The following LRP1B variants were observed in gnomAD, a reference collection of about 807,000 sequenced individuals.
LRP1B encodes the protein low-density lipoprotein receptor-related protein 1B.
LRP1B carries 217 observed loss-of-function variants against 556.6 expected under a neutral mutation model. The ratio of observed to expected loss-of-function variants is 0.39; its 90% CI spans 0.35 to 0.44. LRP1B has a LOEUF of 0.44. Ranked by LOEUF, LRP1B falls within the 20% of genes least tolerant of loss-of-function variation. LRP1B has a pLI of 1.00. For missense variants in LRP1B, 5,053 were observed against 5,620.8 expected (o/e 0.90, Z 3.23); for synonymous variants, 2,047 against 1,865.8 (o/e 1.10, Z -2.50).
At chr2:140,315,155 A>T in intron 82 of LRP1B, 56 bp from the exon 83 acceptor site, 4 of 1,162,454 alleles carry the variant, frequency 3.4e-6, no homozygotes, top group Non-Finnish European at 4.9e-6. Flanking sequence ...AATTTAATAA[A>T]ATAATTCAAA....
chr2:140,494,485 G>A (rs540713163), intron 56 of LRP1B, among the ~76,000 whole-genome samples: 49 of 151,816 alleles, frequency 3.2e-4, no homozygotes, highest in African/African-American at 1.1e-3. Flanking sequence ...GGCACCTGTA[G>A]TCTCAGCTAC....
chr2:140,355,901 T>G (rs1048677003), intron 75 of LRP1B, among the ~76,000 whole-genome samples: 2 of 151,932 alleles, frequency 1.3e-5, no homozygotes, highest in African/African-American at 4.8e-5. Flanking sequence ...TACATTATGA[T>G]CTATTTAAAA....
chr2:141,689,924 C>T (rs1691452878), intron 2 of LRP1B, among the ~76,000 whole-genome samples: 2 of 151,610 alleles, frequency 1.3e-5, no homozygotes, highest in African/African-American at 4.8e-5. Context: ...TTTCTGATAG[C>T]TGAATAAACA....
chr2:141,582,280 T>C (rs926120150), intron 2 of LRP1B, among the ~76,000 whole-genome samples: 1 of 152,346 alleles, frequency 6.6e-6, no homozygotes, highest in South Asian at 2.1e-4. Context: ...TTCAGAAATG[T>C]AAGCTGTATC....
intron 25 of LRP1B, among the ~76,000 whole-genome samples, chr2:140,878,297 T>C (rs1399501280): frequency 1.3e-5 from 2 of 152,132 alleles, no homozygotes; most frequent in East Asian, 1.9e-4. Context: ...AATTTCAATA[T>C]TGGGGCCTAT....
At chr2:140,972,851 T>C (rs954020034) in intron 18 of LRP1B, among the ~76,000 whole-genome samples, 2 of 151,170 alleles carry the variant, frequency 1.3e-5, no homozygotes, top group Admixed American at 6.6e-5. Flanking sequence ...GTTAGAACAA[T>C]AGTTTGTCAG....
At chr2:141,601,774 T>C (rs1041812433) in intron 2 of LRP1B, among the ~76,000 whole-genome samples, 2 of 152,016 alleles carry the variant, frequency 1.3e-5, no homozygotes, top group African/African-American at 4.8e-5. Context: ...CTCTAACTTT[T>C]GTATTTTTAG....
At chr2:140,308,322 T>G (rs142255773) in intron 83 of LRP1B, among the ~76,000 whole-genome samples, 1 of 151,592 alleles carries the variant, frequency 6.6e-6, no homozygotes. Context: ...TATTGGACAG[T>G]TATGTTATGA....
intron 2 of LRP1B, among the ~76,000 whole-genome samples, chr2:141,745,349 G>A (rs891974237): frequency 3.3e-5 from 5 of 152,144 alleles, no homozygotes; most frequent in East Asian, 3.9e-4. Context: ...GAAATCTACC[G>A]GCATGCTCTA....
intron 7 of LRP1B, among the ~76,000 whole-genome samples, chr2:141,141,885 G>A (rs974899614): frequency 2.6e-5 from 4 of 152,050 alleles, no homozygotes; most frequent in Admixed American, 6.6e-5. Flanking sequence ...TTTCAGTAAT[G>A]CAATAATTCA....
rs569315762 is a variant in LRP1B, at chr2:141,880,983, C to G, written c.83-70582G>C. The stretch of plus-strand genomic sequence containing the variant: ...TATTAAATTTCTATGCTAGGTTGCT[C>G]CTTTGAATGGTACAGTGGGCATGAC... On this transcript the variant is annotated intron_variant, in intron 1 of 90. Transcript: ENST00000389484. Among the ~76,000 whole-genome samples, 8 of 152,108 alleles carry G rather than the reference C, an allele frequency of 5.3e-5. No individual in the cohort carries two copies. In the South Asian group the frequency reaches 1.7e-3, roughly 32 times the overall value.
chr2:140,682,283 G>C (rs922459642), intron 41 of LRP1B, among the ~76,000 whole-genome samples: 1 of 152,112 alleles, frequency 6.6e-6, no homozygotes, highest in African/African-American at 2.4e-5. Flanking sequence ...TACCACACTG[G>C]TATCACACTA....
At chr2:140,972,879 T>A (rs2105331587) in intron 18 of LRP1B, among the ~76,000 whole-genome samples, 1 of 150,628 alleles carries the variant, frequency 6.6e-6, no homozygotes, top group African/African-American at 2.4e-5. Context: ...AATGACACTA[T>A]TTGGTCATAA....
In LRP1B at chr2:140,928,577, C is replaced by G. The variant is rs188871430; in HGVS notation, c.3137-5430G>C. ...TCTGATCACAATTCATTGACCAAAC[C>G]TCATCATATAGCATAGGGCCCCATC... is the stretch of plus-strand genomic sequence containing the variant. On this transcript the variant is annotated intron_variant, in intron 20 of 90. Coordinates refer to ENST00000389484, the MANE Select transcript of LRP1B (RefSeq NM_018557.3). Among the ~76,000 whole-genome samples the G allele has an allele frequency of 2.1e-3, 327 of 152,206 alleles. 1 individual carries two copies. The highest frequency in any genetic ancestry group is 7.2e-3 in the African/African-American group (300 of 41,550).
chr2:140,672,539 C>CAG (rs1574223544), intron 41 of LRP1B, among the ~76,000 whole-genome samples: 2 of 146,122 alleles, frequency 1.4e-5, no homozygotes. Context: ...TGAAATCCAG[C>CAG]AGAGTAAACT....
intron 41 of LRP1B, among the ~76,000 whole-genome samples, chr2:140,620,096 T>G (rs1395441316): frequency 6.6e-6 from 1 of 152,208 alleles, no homozygotes; most frequent in Non-Finnish European, 1.5e-5. Context: ...AAGTAAATTA[T>G]ATTTTTTTAA....
intron 84 of LRP1B, among the ~76,000 whole-genome samples, chr2:140,286,685 A>G (rs1191995449): frequency 6.6e-6 from 1 of 151,912 alleles, no homozygotes; most frequent in Admixed American, 6.6e-5. Flanking sequence ...TTCATTCTAA[A>G]TTCATGTATC....
At chr2:140,837,455 G>T (rs1691944260) in intron 31 of LRP1B, among the ~76,000 whole-genome samples, 2 of 152,148 alleles carry the variant, frequency 1.3e-5, no homozygotes, top group Non-Finnish European at 2.9e-5. Context: ...TTAAGGTATA[G>T]TCAGTTATGC....
At chr2:140,727,748 A>G (rs533807911) in intron 35 of LRP1B, among the ~76,000 whole-genome samples, 27 of 152,316 alleles carry the variant, frequency 1.8e-4, no homozygotes, top group South Asian at 4.1e-4. Context: ...TACAAATAGG[A>G]ATGAAGTTGA....
Sources: gnomAD v4.1 joint callset for allele counts (sites outside exome capture counted in the v4.1 genomes callset) on GRCh38, gnomAD v4.1.1 for gene constraint, MANE v1.5 for transcripts, NCBI Gene and HGNC (gene_info 2026-07-23, HGNC 2026-07-21) for gene names.